MEGF11: variants seen among roughly 807,000 people sequenced by gnomAD.
MEGF11 encodes multiple EGF like domains 11, also known as multiple epidermal growth factor-like domains protein 11.
Under a neutral mutation model 146.6 loss-of-function variants are expected in MEGF11, and 126 were observed. The observed-to-expected ratio is 0.86, with a 90% CI of 0.74 to 1.00. The LOEUF is 1.00. Ranked by LOEUF, MEGF11 falls within the 50% of genes least tolerant of loss-of-function variation. The probability of loss-of-function intolerance (pLI) is 0.00; values close to 1 mark genes in which losing one functional copy is unlikely to be tolerated. For missense variants in MEGF11, 1,509 were observed against 1,521.2 expected (o/e 0.99, Z 0.13); for synonymous variants, 532 against 583.4 (o/e 0.91, Z 1.27).
chr15:66,217,578 A>G (rs56737245), intron 1 of MEGF11, among the ~76,000 whole-genome samples: 8,011 of 152,320 alleles, frequency 0.053, 237 homozygotes, highest in Middle Eastern at 0.11. Flanking sequence ...CACATCTTCC[A>G]GGGCAGAAGT....
intron 1 of MEGF11, among the ~76,000 whole-genome samples, chr15:66,197,304 C>G (rs1201119994): frequency 6.6e-6 from 1 of 152,160 alleles, no homozygotes; most frequent in African/African-American, 2.4e-5. Flanking sequence ...ATGCGATAAT[C>G]CCAGGCTCTG....
chr15:65,970,515 A>G, intron 8 of MEGF11, 38 bp downstream of exon 8: 1 of 1,600,708 alleles, frequency 6.2e-7, no homozygotes, highest in East Asian at 2.2e-5. Context: ...AATATGAGTA[A>G]AATGGACAGC....
intron 4 of MEGF11, among the ~76,000 whole-genome samples, chr15:66,104,949 T>A (rs1480626505): frequency 6.6e-6 from 1 of 151,992 alleles, no homozygotes; most frequent in Admixed American, 6.6e-5. Context: ...AGACAACAAA[T>A]GCTGCTTAGT....
In MEGF11 at chr15:66,119,086, G is replaced by A. The variant is rs762525595; in HGVS notation, c.301C>T (p.Pro101Ser). Residue 101 changes from proline to serine, a missense_variant and splice_region_variant, in exon 4 of 26, where the codon CCC (proline) becomes TCC (serine). Pro to Ser is a moderately conservative substitution (Grantham distance 74). Transcript: ENST00000395614. ...CAGAACAGCAGCAGCCCCTACATACGTATGCAGAAGTCTCCGCTCTCATAG... is the reference window on the plus strand; with the variant it reads ...CAGAACAGCAGCAGCCCCTACATACATATGCAGAAGTCTCCGCTCTCATAG... ...GYYESGDFCI[P>S]LCTEECVHGR... The A allele has an allele frequency of 2.6e-5, 40 of 1,545,308 alleles. No individual in the cohort carries two copies. The highest frequency in any genetic ancestry group is 8.3e-5 in the South Asian group (7 of 83,880).
intron 1 of MEGF11, among the ~76,000 whole-genome samples, chr15:66,235,640 A>C (rs1206728154): frequency 6.6e-6 from 1 of 151,924 alleles, no homozygotes; most frequent in African/African-American, 2.4e-5. Context: ...ACAGCACTAC[A>C]CCCCAATACC....
At chr15:66,104,225 C>T (rs992262404) in intron 4 of MEGF11, among the ~76,000 whole-genome samples, 3 of 152,184 alleles carry the variant, frequency 2.0e-5, no homozygotes, top group Non-Finnish European at 2.9e-5. Context: ...GTTATCTTGT[C>T]TGGAGTTACA....
intron 1 of MEGF11, among the ~76,000 whole-genome samples, chr15:66,187,214 AGC>A (rs1342111861): frequency 6.6e-6 from 1 of 152,244 alleles, no homozygotes; most frequent in Non-Finnish European, 1.5e-5. Flanking sequence ...GGGAAAGGGA[AGC>A]ATTTCTCAAG....
At chr15:66,112,912 T>C (rs993258993) in intron 4 of MEGF11, among the ~76,000 whole-genome samples, 4 of 152,088 alleles carry the variant, frequency 2.6e-5, no homozygotes, top group Non-Finnish European at 5.9e-5. Context: ...ACTAAAGAAC[T>C]TTCAAGAAGA....
chr15:65,957,796 A>C (rs1384498580), intron 9 of MEGF11, 75 bp from the exon 10 acceptor site: 1 of 1,472,806 alleles, frequency 6.8e-7, no homozygotes, highest in East Asian at 2.3e-5. Flanking sequence ...TGTCTACCCC[A>C]AGCCTGGCTT....
At chr15:66,031,459 C>T (rs1034264128) in intron 5 of MEGF11, among the ~76,000 whole-genome samples, 20 of 152,258 alleles carry the variant, frequency 1.3e-4, no homozygotes, top group African/African-American at 2.6e-4. Flanking sequence ...CCATGGAGGC[C>T]GGGCTGGGGT....
At chr15:66,106,909 G>C (rs2087109188) in intron 4 of MEGF11, among the ~76,000 whole-genome samples, 1 of 152,156 alleles carries the variant, frequency 6.6e-6, no homozygotes, top group African/African-American at 2.4e-5. Flanking sequence ...TTGGTAAATG[G>C]TTGCTTACCC....
intron 1 of MEGF11, among the ~76,000 whole-genome samples, chr15:66,236,533 CTCAATACCAT>C (rs2092095646): frequency 6.6e-6 from 1 of 152,172 alleles, no homozygotes. Flanking sequence ...TGGGTCTGCC[CTCAATACCAT>C]TCAATACCAC....
chr15:66,032,522 ATGGTTG>A (rs1398246045), intron 5 of MEGF11, among the ~76,000 whole-genome samples: 1 of 152,258 alleles, frequency 6.6e-6, no homozygotes, highest in Non-Finnish European at 1.5e-5. Context: ...TAGAGATTAA[ATGGTTG>A]TGACCAGAAT....
At chr15:65,962,841 C>T (rs188045207) in intron 9 of MEGF11, among the ~76,000 whole-genome samples, 111 of 152,204 alleles carry the variant, frequency 7.3e-4, no homozygotes, top group Admixed American at 1.4e-3. Context: ...CTGGTGGGCA[C>T]GCTCAGAGCC....
Position 66,133,911 on chromosome 15 carries a change from C to T in MEGF11, c.-8-5500G>A, listed in dbSNP as rs115115387. On this transcript the variant is annotated intron_variant, in intron 1 of 25. Transcript: ENST00000395614. ...TGGAGTCTCTGCCAGGTGCCTGGCC[C>T]CCGGGATAAATCAGCGGGGATTGGA... 3.4e-3 allele frequency among the ~76,000 whole-genome samples: 519 copies of T among 152,232 alleles called. 3 individuals are homozygous for T. The highest frequency in any genetic ancestry group is 0.012 in the African/African-American group (502 of 41,516).
chr15:65,965,600 C>CTTTTTTTTTTT (rs767520450), intron 8 of MEGF11, among the ~76,000 whole-genome samples: 7 of 18,876 alleles, frequency 3.7e-4, no homozygotes, highest in African/African-American at 6.6e-4. Context: ...TTCTTTCTTT[C>CTTTTTTTTTTT]TTTTTTTTTT....
chr15:66,201,625 T>C (rs184822256), intron 1 of MEGF11, among the ~76,000 whole-genome samples: 27 of 151,940 alleles, frequency 1.8e-4, no homozygotes, highest in Non-Finnish European at 2.6e-4. Context: ...CACCCTGACA[T>C]GTGGCCTGCC....
rs72744457 is a variant in MEGF11, at chr15:66,156,653, G to A, written c.-8-28242C>T. ...TCTTTCCTCTGTGGCTGTGCACCCT[G>A]TCCGTGCCCCCTTCCAGTTCCTTCT... is the stretch of plus-strand genomic sequence containing the variant. On this transcript the variant is annotated intron_variant, in intron 1 of 25. Transcript: ENST00000395614. 6.6e-3 allele frequency among the ~76,000 whole-genome samples: 1,007 copies of A among 152,164 alleles called. 6 individuals carry two copies. The highest frequency in any genetic ancestry group is 0.011 in the Admixed American group (161 of 15,286).
intron 4 of MEGF11, among the ~76,000 whole-genome samples, chr15:66,101,306 C>T (rs1414707178): frequency 6.6e-6 from 1 of 152,184 alleles, no homozygotes; most frequent in African/African-American, 2.4e-5. Context: ...GGCACTGGAA[C>T]TTCAGGTTGT....
Sources: gnomAD v4.1 joint callset for allele counts (sites outside exome capture counted in the v4.1 genomes callset) on GRCh38, gnomAD v4.1.1 for gene constraint, MANE v1.5 for transcripts, NCBI Gene and HGNC (gene_info 2026-07-23, HGNC 2026-07-21) for gene names.